Variants in PCDHA10 observed in about 807,000 individuals in gnomAD.
PCDHA10 encodes the protein protocadherin alpha-10.
Under a neutral mutation model 61.2 loss-of-function variants are expected in PCDHA10, and 45 were observed. The observed-to-expected ratio is 0.74, with a 90% CI of 0.58 to 0.94. The LOEUF is 0.94. PCDHA10 is among the 40% of genes least tolerant of loss of function. The pLI is 0.00. For missense variants in PCDHA10, 1,278 were observed against 1,236.2 expected, an observed-to-expected ratio of 1.03 and a Z score of -0.51; for synonymous variants, 602 against 548.8, an observed-to-expected ratio of 1.10 and a Z score of -1.35.
At chr5:140,902,953 C>T (rs549407032) in intron 1 of PCDHA10, among the ~76,000 whole-genome samples, 24 of 152,278 alleles carry the variant, frequency 1.6e-4, no homozygotes, top group East Asian at 1.3e-3. Flanking sequence ...TCTTTATCCA[C>T]TTGTTGGCTG....
At chr5:140,991,356 T>C (rs574243681) in intron 3 of PCDHA10, among the ~76,000 whole-genome samples, 2 of 152,366 alleles carry the variant, frequency 1.3e-5, no homozygotes, top group Non-Finnish European at 2.9e-5. Flanking sequence ...AAAAGACTAT[T>C]TACTGTCTGA....
intron 1 of PCDHA10, among the ~76,000 whole-genome samples, chr5:140,908,850 C>T (rs1234928966): frequency 6.6e-6 from 1 of 152,160 alleles, no homozygotes; most frequent in Non-Finnish European, 1.5e-5. Flanking sequence ...GTAACATACC[C>T]AAATGAGGAA....
At chr5:140,904,187 C>T (rs1554191348) in intron 1 of PCDHA10, among the ~76,000 whole-genome samples, 1 of 151,982 alleles carries the variant, frequency 6.6e-6, no homozygotes, top group Non-Finnish European at 1.5e-5. Context: ...ACCCCCTTCC[C>T]ACCCTTTCCC....
At chr5:140,931,744 C>G (rs2087714665) in intron 1 of PCDHA10, among the ~76,000 whole-genome samples, 5 of 151,904 alleles carry the variant, frequency 3.3e-5, no homozygotes, top group Admixed American at 3.3e-4. Flanking sequence ...TTGTAATTCA[C>G]AAAGGCATTT....
rs199811254 is a variant in PCDHA10 at position 140,877,222 on chromosome 5, T to C, written c.2388+18786T>C. 9.3e-5 allele frequency: 150 copies of C among 1,613,562 alleles called. No homozygotes were observed. Among genetic ancestry groups the C allele is most frequent in the Admixed American group, 2.2e-4 (13 of 59,972 alleles). Reference sequence around the variant, plus strand: ...CGCAGTTAGCGAGTTGGTACCGCGGTCGGTGGGTGCGGGCCACGTGGTGGC... The same window carrying C: ...CGCAGTTAGCGAGTTGGTACCGCGGCCGGTGGGTGCGGGCCACGTGGTGGC... On this transcript the variant is annotated intron_variant, in intron 1 of 3. Transcript: ENST00000307360.
intron 3 of PCDHA10, among the ~76,000 whole-genome samples, chr5:140,991,053 A>G (rs2097429648): frequency 6.6e-6 from 1 of 152,220 alleles, no homozygotes; most frequent in Non-Finnish European, 1.5e-5. Context: ...TGAGAGAAGT[A>G]CATTATTATT....
At chr5:140,995,371 C>G (rs143381591) in intron 3 of PCDHA10, among the ~76,000 whole-genome samples, 3 of 152,120 alleles carry the variant, frequency 2.0e-5, no homozygotes, top group Admixed American at 1.3e-4. Flanking sequence ...GGATGATTCA[C>G]GTACTGGGCA....
chr5:140,982,985 A>C (rs2097019022), intron 3 of PCDHA10, among the ~76,000 whole-genome samples: 1 of 152,162 alleles, frequency 6.6e-6, no homozygotes, highest in Non-Finnish European at 1.5e-5. Flanking sequence ...AAAGAAAGAG[A>C]AAAAGAAGGA....
chr5:140,904,716 G>T, intron 1 of PCDHA10, among the ~76,000 whole-genome samples: 1 of 151,886 alleles, frequency 6.6e-6, no homozygotes. Context: ...ACCACATTCT[G>T]GCCAACATCT....
In PCDHA10 at chr5:141,011,378, C is replaced by T. The variant is rs1419825590; in HGVS notation, c.*1441C>T. 1 of 153,742 alleles carries T rather than the reference C, an allele frequency of 6.5e-6. No individual in the cohort carries two copies. Among genetic ancestry groups the T allele is most frequent in the African/African-American group, 2.4e-5 (1 of 41,460 alleles). The allele number at this position is 153,742 out of a possible 1,614,324, so 9.5% of individuals were successfully genotyped here. Reference sequence around the variant, plus strand: ...ATGTATGCTGTATGCTATGCTAAGACTCCTGAAATATACTTACTCTGTGCT... The same window carrying T: ...ATGTATGCTGTATGCTATGCTAAGATTCCTGAAATATACTTACTCTGTGCT... On this transcript the variant is annotated 3_prime_UTR_variant, in exon 4 of 4. Coordinates refer to ENST00000307360, the MANE Select transcript of PCDHA10 (RefSeq NM_018901.4).
At chr5:140,958,998 C>T (rs868985322) in intron 1 of PCDHA10, among the ~76,000 whole-genome samples, 5 of 151,906 alleles carry the variant, frequency 3.3e-5, no homozygotes, top group South Asian at 2.1e-4. Flanking sequence ...TAATCTTTTA[C>T]TGTACCTAAT....
chr5:140,918,021 A>G (rs2078482403), intron 1 of PCDHA10, among the ~76,000 whole-genome samples: 2 of 152,190 alleles, frequency 1.3e-5, no homozygotes, highest in South Asian at 2.1e-4. Flanking sequence ...CTTCCTACCC[A>G]TGAGCGTGGA....
intron 1 of PCDHA10, chr5:140,868,981 G>A: frequency 2.0e-6 from 3 of 1,492,274 alleles, no homozygotes; most frequent in South Asian, 2.8e-5. Flanking sequence ...CATCATACCG[G>A]ATGCCACCGT....
intron 1 of PCDHA10, among the ~76,000 whole-genome samples, chr5:140,906,871 A>G (rs953788729): frequency 6.6e-6 from 1 of 152,184 alleles, no homozygotes; most frequent in African/African-American, 2.4e-5. Flanking sequence ...CCCAGCCAAC[A>G]CTGTAACTTC....
At chr5:140,987,432 T>G (rs1401623974) in intron 3 of PCDHA10, among the ~76,000 whole-genome samples, 1 of 152,152 alleles carries the variant, frequency 6.6e-6, no homozygotes, top group Non-Finnish European at 1.5e-5. Flanking sequence ...GCAGGGGGCC[T>G]TTCCCCATGC....
chr5:140,920,817 C>A (rs1430508925), intron 1 of PCDHA10, among the ~76,000 whole-genome samples: 1 of 150,498 alleles, frequency 6.6e-6, no homozygotes, highest in African/African-American at 2.5e-5. Flanking sequence ...GCACTCCAGC[C>A]TGGCGACGGA....
chr5:140,995,684 A>G (rs2097694657), intron 3 of PCDHA10, among the ~76,000 whole-genome samples: 1 of 152,144 alleles, frequency 6.6e-6, no homozygotes, highest in Non-Finnish European at 1.5e-5. Context: ...ATTTTTTTTA[A>G]TTGTTAAATA....
chr5:140,899,674 T>A (rs2067476984), intron 1 of PCDHA10, among the ~76,000 whole-genome samples: 1 of 152,220 alleles, frequency 6.6e-6, no homozygotes, highest in African/African-American at 2.4e-5. Flanking sequence ...GGCTTTGGTA[T>A]CAGGATGATG....
Position 140,928,140 on chromosome 5 carries a change from G to GGCC in PCDHA10, c.2389-50808_2389-50806dup. 3 of 1,614,154 alleles carry GGCC rather than the reference G, an allele frequency of 1.9e-6. No homozygotes were observed. The South Asian group carries it at 3.3e-5, about 18-fold the overall frequency. On this transcript the variant is annotated intron_variant, in intron 1 of 3. Transcript: ENST00000307360. ...TCAGTGAATACCAAGTCCTGATCAC[G>GGCC]GCCTCAGATAGTGGCTCACCCCCAC...
Sources: allele counts gnomAD v4.1 joint callset (sites outside exome capture counted in the v4.1 genomes callset), GRCh38; gene constraint gnomAD v4.1.1; transcripts MANE v1.5; gene names NCBI Gene and HGNC (gene_info 2026-07-23, HGNC 2026-07-21).